The following GRIK5 variants were observed in gnomAD, a reference collection of about 807,000 sequenced individuals.
GRIK5 encodes the protein glutamate receptor ionotropic, kainate 5.
Under a neutral mutation model 97.4 loss-of-function variants are expected in GRIK5, and 43 were observed. The ratio of observed to expected loss-of-function variants is 0.44; its 90% CI spans 0.35 to 0.57. GRIK5 has a LOEUF of 0.57. GRIK5 is among the 20% of genes least tolerant of loss of function. The pLI is 0.01. For synonymous variants in GRIK5, 580 were observed against 583.5 expected (o/e 0.99, Z 0.09); for missense variants, 1,015 against 1,382.0 (o/e 0.73, Z 4.21).
chr19:42,007,196 G>C (rs993106330), intron 15 of GRIK5, among the ~76,000 whole-genome samples: 1 of 151,524 alleles, frequency 6.6e-6, no homozygotes, highest in Non-Finnish European at 1.5e-5. Context: ...TGGGGTTCAA[G>C]TGATTCTCCT....
intron 12 of GRIK5, among the ~76,000 whole-genome samples, chr19:42,026,964 C>G (rs2075779421): frequency 6.6e-6 from 1 of 152,096 alleles, no homozygotes; most frequent in East Asian, 1.9e-4. Flanking sequence ...ATGCCTGTTC[C>G]CCTTATGAGA....
At chr19:42,017,326 G>A (rs1040077863) in intron 15 of GRIK5, among the ~76,000 whole-genome samples, 2 of 152,168 alleles carry the variant, frequency 1.3e-5, no homozygotes, top group African/African-American at 4.8e-5. Flanking sequence ...CCAGGCATTT[G>A]TGTATTGCCA....
chr19:42,052,843 G>A (rs2076134428), intron 11 of GRIK5, among the ~76,000 whole-genome samples: 1 of 152,228 alleles, frequency 6.6e-6, no homozygotes, highest in East Asian at 1.9e-4. Flanking sequence ...GCAGCAGAGA[G>A]GGCACCAGCT....
intron 12 of GRIK5, among the ~76,000 whole-genome samples, chr19:42,034,049 G>A (rs113800155): frequency 0.028 from 4,273 of 151,912 alleles, 176 homozygotes; most frequent in African/African-American, 0.097. Flanking sequence ...ACCTTCCAGT[G>A]GCTCTGCAGC....
chr19:42,021,272 C>CG lies in GRIK5; in HGVS notation c.1871+28dup. The CG allele has an allele frequency of 6.3e-7, 1 of 1,595,964 alleles. No individual in the cohort carries two copies. Among genetic ancestry groups the CG allele is most frequent in the African/African-American group, 1.3e-5 (1 of 74,734 alleles). On this transcript the variant is annotated intron_variant, in intron 15 of 19. Coordinates refer to ENST00000593562, the MANE Select transcript of GRIK5 (RefSeq NM_002088.5). This position sits in a 1 kb window ranked among gnomAD's most constrained non-coding sequence, Gnocchi z 4.2. ...CCTCAGATGGGTCCCTCCCTCGCCC[C>CG]GGGCAGAGGCAGATAGAAAGCTTCT...
At chr19:42,023,758 C>T (rs2075732708) in intron 12 of GRIK5, among the ~76,000 whole-genome samples, 1 of 152,248 alleles carries the variant, frequency 6.6e-6, no homozygotes. Flanking sequence ...TTCTCTACAA[C>T]TCCACCACCC....
At position 41,998,880 on chromosome 19, in the gene GRIK5, C is replaced by A. The variant is rs1396223646; in HGVS notation, c.2934G>T (p.Glu978Asp). The change falls in exon 20 of 20, where the codon GAG (glutamate) becomes GAT (aspartate). Residue 978 changes from glutamate to aspartate, a missense_variant. Physicochemically the swap from Glu to Asp is conservative, Grantham distance 45 (BLOSUM62 2). Coordinates refer to ENST00000593562, the MANE Select transcript of GRIK5 (RefSeq NM_002088.5). ...ACAGCCCCGCCCGTGGTCACTCGTG[C>A]TCCGCCAGCTCCCGGGGGCCGGCGG... Reference protein sequence around the residue: ...PGPAGPRELAEHE With the variant: ...PGPAGPRELADHE 1 of 1,118,992 alleles carries A rather than the reference C, an allele frequency of 8.9e-7. No individual in the cohort carries two copies. 69.3% of individuals were successfully genotyped at this position (1,118,992 alleles called of 1,614,324 possible).
At chr19:42,040,776 C>T (rs1568911739) in intron 12 of GRIK5, among the ~76,000 whole-genome samples, 2 of 152,130 alleles carry the variant, frequency 1.3e-5, no homozygotes, top group Admixed American at 1.3e-4. Context: ...ATCGCTTGAA[C>T]CCGGGAGGTG....
rs1004025505 is a variant in GRIK5 at position 42,042,822 on chromosome 19, G to A, written c.1270-67C>T. ...TAGTGGCTGGGTTGCGGATCCTGGA[G>A]CCCGGACCAGGCAGGTAGAGCAGGA... On this transcript the variant is annotated intron_variant, in intron 11 of 19. Coordinates refer to ENST00000593562, the MANE Select transcript of GRIK5 (RefSeq NM_002088.5). This position sits in a 1 kb window ranked among gnomAD's most constrained non-coding sequence, Gnocchi z 6.9. The A allele has an allele frequency of 2.8e-5, 34 of 1,230,968 alleles. No homozygotes were observed. Among genetic ancestry groups the A allele is most frequent in the Non-Finnish European group, 3.7e-5 (32 of 857,696 alleles). The allele number at this position is 1,230,968 out of a possible 1,614,324, so 76.3% of individuals were successfully genotyped here. A position where few individuals can be genotyped will look rare whatever the true frequency, so the allele number is the denominator to read the frequency against.
At chr19:42,040,806 G>A (rs1273323097) in intron 12 of GRIK5, among the ~76,000 whole-genome samples, 8 of 152,128 alleles carry the variant, frequency 5.3e-5, no homozygotes, top group Non-Finnish European at 1.2e-4. Context: ...GGGAGGCAGA[G>A]GTTGCTGTGA....
intron 15 of GRIK5, among the ~76,000 whole-genome samples, chr19:42,018,907 G>C (rs2075663756): frequency 6.6e-6 from 1 of 152,138 alleles, no homozygotes. Context: ...ACGAGGGCGG[G>C]GACTGGCCTG....
intron 15 of GRIK5, among the ~76,000 whole-genome samples, chr19:42,020,374 C>T (rs1385446719): frequency 6.6e-6 from 1 of 152,192 alleles, no homozygotes. Context: ...TTCTCAGCTC[C>T]TCTGCCTCTC....
intron 12 of GRIK5, among the ~76,000 whole-genome samples, chr19:42,031,444 T>C (rs1272158120): frequency 3.9e-5 from 6 of 152,204 alleles, no homozygotes; most frequent in South Asian, 4.1e-4. Flanking sequence ...CCAGCTACCA[T>C]GTGTGTCTAT....
At chr19:42,032,634 T>C (rs1292107102) in intron 12 of GRIK5, among the ~76,000 whole-genome samples, 1 of 152,194 alleles carries the variant, frequency 6.6e-6, no homozygotes, top group Non-Finnish European at 1.5e-5. Context: ...ATATCCTCAC[T>C]TGAATTTTAA....
At position 42,053,866 on chromosome 19, in the gene GRIK5, T is replaced by C; in HGVS notation, c.1120A>G (p.Thr374Ala). The C allele has an allele frequency of 6.2e-7, 1 of 1,613,386 alleles. No homozygotes were observed. Among genetic ancestry groups the C allele is most frequent in the Non-Finnish European group, 8.5e-7 (1 of 1,179,750 alleles). The change falls in exon 10 of 20, where the codon ACC becomes GCC. Residue 374 changes from threonine to alanine, a missense_variant. Transcript: ENST00000593562. Reference sequence around the variant, plus strand: ...CGGGACTTTTCTAGGATGCGCAGGGTGTAGTTGGTTCTCTGCCCTTTGCTG... The same window carrying C: ...CGGGACTTTTCTAGGATGCGCAGGGCGTAGTTGGTTCTCTGCCCTTTGCTG... ...FNSKGQRTNY[T>A]LRILEKSRQG...
At chr19:42,000,631 G>A (rs1209758485) in intron 19 of GRIK5, among the ~76,000 whole-genome samples, 1 of 152,182 alleles carries the variant, frequency 6.6e-6, no homozygotes, top group African/African-American at 2.4e-5. Context: ...ATATTTGTGG[G>A]TTAAGGCAGG....
At position 42,022,389 on chromosome 19, in the gene GRIK5, G is replaced by A; in HGVS notation, c.1474-35C>T. The A allele has an allele frequency of 1.3e-6, 2 of 1,574,030 alleles. No individual in the cohort carries two copies. The highest frequency in any genetic ancestry group is 1.7e-6 in the Non-Finnish European group (2 of 1,147,144). ...GGGAAGCCGGGCAGGGGTGGAGGGG[G>A]ACAGAGGGGAAGACAGAAGTGGACA... On this transcript the variant is annotated intron_variant, in intron 12 of 19. Coordinates refer to ENST00000593562, the MANE Select transcript of GRIK5 (RefSeq NM_002088.5). The surrounding 1 kb of genome is among the most constrained non-coding windows in gnomAD (Gnocchi z 4.2).
Position 42,065,712 on chromosome 19 carries a change from A to G in GRIK5, c.59T>C (p.Val20Ala). The change falls in exon 2 of 20, where the codon GTG becomes GCG. Residue 20 changes from valine to alanine, a missense_variant. Coordinates refer to ENST00000593562, the MANE Select transcript of GRIK5 (RefSeq NM_002088.5). This position sits in a 1 kb window ranked among gnomAD's most constrained non-coding sequence, Gnocchi z 5.8. ...IVAFASPSCQVLSSLRMAAIL... is the reference protein window; with the variant it reads ...IVAFASPSCQALSSLRMAAIL... ...CTCACCCATGCGCAGTGATGAGAGC[A>G]CCTGGCAGCTGGGGCTGGCGAAGGC... The G allele has an allele frequency of 1.9e-6, 3 of 1,594,888 alleles. No individual in the cohort carries two copies. Among genetic ancestry groups the G allele is most frequent in the Non-Finnish European group, 2.6e-6 (3 of 1,172,238 alleles).
At position 42,002,509 on chromosome 19, in the gene GRIK5, G is replaced by T. The variant is rs781822829; in HGVS notation, c.2514+823C>A. On this transcript the variant is annotated intron_variant, in intron 19 of 19. Coordinates refer to ENST00000593562, the MANE Select transcript of GRIK5 (RefSeq NM_002088.5). This position sits in a 1 kb window ranked among gnomAD's most constrained non-coding sequence, Gnocchi z 5.2. ...CTTCAGAGGAGTCCTTGGGCCAAGT[G>T]CAGAACACTGGCAGGCAGCTGGATG... 8.4e-6 allele frequency: 6 copies of T among 711,824 alleles called. 1 individual carries two copies. The South Asian group carries it at 9.0e-5, about 11-fold the overall frequency. 44.1% of individuals were successfully genotyped at this position (711,824 alleles called of 1,614,324 possible). A position where few individuals can be genotyped will look rare whatever the true frequency, so the allele number is the denominator to read the frequency against.
Sources: allele counts gnomAD v4.1 joint callset (sites outside exome capture counted in the v4.1 genomes callset), GRCh38; gene constraint gnomAD v4.1.1; non-coding constraint Gnocchi (gnomAD v3.1); transcripts MANE v1.5; gene names NCBI Gene and HGNC (gene_info 2026-07-23, HGNC 2026-07-21).